KDM6A: variants seen among roughly 807,000 people sequenced by gnomAD.
KDM6A encodes lysine-specific demethylase 6A.
A neutral mutation model predicts 117.6 loss-of-function variants in KDM6A; 11 were observed. The ratio of observed to expected loss-of-function variants is 0.09; its 90% CI spans 0.06 to 0.15. KDM6A has a LOEUF of 0.15. Ranked by LOEUF, KDM6A falls within the 10% of genes least tolerant of loss-of-function variation. The pLI is 1.00. For synonymous variants in KDM6A, 384 were observed against 396.1 expected (o/e 0.97, Z 0.36); for missense variants, 799 against 1,077.3 (o/e 0.74, Z 3.62).
intron 4 of KDM6A, among the ~76,000 whole-genome samples, chrX:44,992,367 G>A (rs775114809): frequency 9.4e-6 from 1 of 106,610 alleles, no homozygotes; most frequent in South Asian, 4.2e-4. Flanking sequence ...TGGGATTACA[G>A]GCATGCGCCA....
chrX:45,012,291 C>T (rs1003143999), intron 5 of KDM6A, among the ~76,000 whole-genome samples: 1 of 102,942 alleles, frequency 9.7e-6, no homozygotes, highest in Non-Finnish European at 2.0e-5. Flanking sequence ...ACCTCCGCCT[C>T]CCGGGTTCAA....
At chrX:45,073,115 A>G (rs889921173) in intron 18 of KDM6A, among the ~76,000 whole-genome samples, 2 of 110,487 alleles carry the variant, frequency 1.8e-5, no homozygotes, top group Non-Finnish European at 3.8e-5. Context: ...GAGTGAGAAC[A>G]TGCAGTATTT....
intron 5 of KDM6A, among the ~76,000 whole-genome samples, chrX:45,017,433 TC>T (rs2042012051): frequency 9.0e-6 from 1 of 111,300 alleles, no homozygotes; most frequent in South Asian, 3.8e-4. Flanking sequence ...TTCTCTACCC[TC>T]CCACTCCCTC....
intron 18 of KDM6A, among the ~76,000 whole-genome samples, 155 bp downstream of exon 18, chrX:45,070,512 TGTA>T (rs774287376): frequency 3.0e-4 from 33 of 111,844 alleles, no homozygotes; most frequent in Non-Finnish European, 5.5e-4. Flanking sequence ...GCTTAGATGT[TGTA>T]GTCAAATCAG....
intron 2 of KDM6A, among the ~76,000 whole-genome samples, chrX:44,877,681 G>A (rs190347623): frequency 1.8e-5 from 2 of 109,679 alleles, no homozygotes; most frequent in East Asian, 2.8e-4. Flanking sequence ...TCTTATCTGC[G>A]TCAGGGAACT....
At chrX:45,079,568 G>C (rs2045305114) in intron 21 of KDM6A, among the ~76,000 whole-genome samples, 1 of 111,631 alleles carries the variant, frequency 9.0e-6, no homozygotes, top group Non-Finnish European at 1.9e-5. Context: ...TTTTGAGACG[G>C]AGTCTCCATC....
chrX:44,941,252 CTTAATA>C lies in KDM6A; in HGVS notation c.226-20026_226-20021del, dbSNP rs887832189. Among the ~76,000 whole-genome samples the C allele has an allele frequency of 2.7e-5, 3 of 111,277 alleles. No individual in the cohort carries two copies. In the Admixed American group the frequency reaches 2.9e-4, roughly 11 times the overall value. On this transcript the variant is annotated intron_variant, in intron 2 of 29. Transcript: ENST00000611820. Reference sequence around the variant, plus strand: ...GCTTTTGTATCAGTTCAAATAACATCTTAATATTAATGAAAATAATTTTGACCTAGC... The same window carrying C: ...GCTTTTGTATCAGTTCAAATAACATCTTAATGAAAATAATTTTGACCTAGC...
chrX:45,043,937 T>G (rs2043409735), intron 8 of KDM6A, among the ~76,000 whole-genome samples: 1 of 112,362 alleles, frequency 8.9e-6, no homozygotes, highest in Non-Finnish European at 1.9e-5. Flanking sequence ...TAGCATATTT[T>G]TACTGTACTT....
chrX:45,109,180 T>TA (rs201347477), intron 28 of KDM6A, among the ~76,000 whole-genome samples: 10,460 of 100,145 alleles, frequency 0.1, 597 homozygotes, highest in East Asian at 0.38. Flanking sequence ...AAAGTACCTG[T>TA]AAAAAAAAAA....
At chrX:45,104,216 G>T (rs1367832464) in intron 27 of KDM6A, among the ~76,000 whole-genome samples, 2 of 111,243 alleles carry the variant, frequency 1.8e-5, no homozygotes, top group African/African-American at 6.5e-5. Flanking sequence ...TAGAGACGGG[G>T]TTTCTCCATG....
rs904736182 is a variant in KDM6A at position 45,059,039 on chromosome X, C to G, written c.909C>G (p.Ala303=). 1 of 1,206,985 alleles carries G rather than the reference C, an allele frequency of 8.3e-7. No individual in the cohort carries two copies. Among genetic ancestry groups the G allele is most frequent in the Non-Finnish European group, 1.1e-6 (1 of 893,878 alleles). ...CAAGTATTGGGAAAGTTCAGGATGC[C>G]TTTATATCTTACAGGCAGTCTATTG... is the stretch of plus-strand genomic sequence containing the variant. ...CYSSIGKVQD[A]FISYRQSIDK... The change falls in exon 11 of 30, where the codon GCC becomes GCG. Residue 303 remains alanine, a synonymous_variant. Coordinates refer to ENST00000611820, the MANE Select transcript of KDM6A (RefSeq NM_001291415.2).
chrX:44,984,168 T>A (rs1452520171), intron 4 of KDM6A, among the ~76,000 whole-genome samples: 1 of 110,630 alleles, frequency 9.0e-6, no homozygotes, highest in Non-Finnish European at 1.9e-5. Flanking sequence ...CCAGTGATGA[T>A]GAGCATTTTT....
chrX:45,103,487 A>C (rs192257232), intron 27 of KDM6A, among the ~76,000 whole-genome samples: 3 of 111,770 alleles, frequency 2.7e-5, no homozygotes, highest in African/African-American at 9.8e-5. Flanking sequence ...ATAGCATACT[A>C]TGTTTATTTT....
chrX:45,046,529 A>G (rs968039685), intron 8 of KDM6A, among the ~76,000 whole-genome samples: 1 of 112,064 alleles, frequency 8.9e-6, no homozygotes, highest in African/African-American at 3.2e-5. Flanking sequence ...TAGTCAGAAC[A>G]TAACAGGAAA....
chrX:45,003,268 C>T (rs2041240511), intron 4 of KDM6A, among the ~76,000 whole-genome samples: 2 of 110,760 alleles, frequency 1.8e-5, no homozygotes, highest in African/African-American at 3.3e-5. Context: ...AACTGTCTAT[C>T]GTCCTGTCCT....
intron 2 of KDM6A, among the ~76,000 whole-genome samples, chrX:44,919,382 A>G (rs1461802058): frequency 9.0e-6 from 1 of 110,537 alleles, no homozygotes; most frequent in Non-Finnish European, 1.9e-5. Flanking sequence ...ATGCTCCTCT[A>G]CTGGTATAGG....
chrX:44,881,387 C>T (rs191909530), intron 2 of KDM6A, among the ~76,000 whole-genome samples: 1 of 111,463 alleles, frequency 9.0e-6, no homozygotes, highest in Non-Finnish European at 1.9e-5. Context: ...GAGCCGAGAT[C>T]GTGCCACTGA....
At chrX:44,879,118 A>G (rs2031992271) in intron 2 of KDM6A, among the ~76,000 whole-genome samples, 1 of 112,352 alleles carries the variant, frequency 8.9e-6, no homozygotes, top group Non-Finnish European at 1.9e-5. Flanking sequence ...ATGAAAGTTC[A>G]TTGCTTGGCT....
chrX:44,875,204 C>T (rs1020573199), intron 2 of KDM6A, among the ~76,000 whole-genome samples: 1 of 112,403 alleles, frequency 8.9e-6, no homozygotes, highest in Non-Finnish European at 1.9e-5. Flanking sequence ...TTTATTGTTG[C>T]AGTTGAGACG....
Sources: allele counts gnomAD v4.1 joint callset (sites outside exome capture counted in the v4.1 genomes callset), GRCh38; gene constraint gnomAD v4.1.1; transcripts MANE v1.5; gene names NCBI Gene and HGNC (gene_info 2026-07-23, HGNC 2026-07-21).